Variants in ANXA4 observed in about 807,000 individuals in gnomAD.
ANXA4 encodes the protein 35-beta calcimedin.
ANXA4 carries 39 observed loss-of-function variants against 49.8 expected under a neutral mutation model. The ratio of observed to expected loss-of-function variants is 0.78; its 90% CI spans 0.61 to 1.02. The LOEUF (loss-of-function observed/expected upper bound fraction) is 1.02, where lower values mean the gene tolerates loss of function less well. ANXA4 is among the 50% of genes least tolerant of loss of function. The pLI is 0.00. For missense variants in ANXA4, 360 were observed against 410.1 expected, an observed-to-expected ratio of 0.88 and a Z score of 1.05; for synonymous variants, 134 against 152.5, an observed-to-expected ratio of 0.88 and a Z score of 0.89.
intron 2 of ANXA4, among the ~76,000 whole-genome samples, chr2:69,706,907 T>C (rs1678518914): frequency 6.6e-6 from 1 of 152,194 alleles, no homozygotes; most frequent in Non-Finnish European, 1.5e-5. Flanking sequence ...AAGTTAATGT[T>C]CGTATCATCT....
chr2:69,780,004 T>C (rs1040120356), intron 1 of ANXA4, among the ~76,000 whole-genome samples: 1 of 152,192 alleles, frequency 6.6e-6, no homozygotes, highest in African/African-American at 2.4e-5. Context: ...AAAGCAAATG[T>C]GATCAAACAA....
chr2:69,660,798 G>GAA (rs1676685130), intron 2 of ANXA4, among the ~76,000 whole-genome samples: 1 of 151,206 alleles, frequency 6.6e-6, no homozygotes, highest in African/African-American at 2.4e-5. Flanking sequence ...GAGAGAGAGA[G>GAA]AATATGAGTG....
At chr2:69,748,359 A>G (rs1479412721) in intron 1 of ANXA4, among the ~76,000 whole-genome samples, 1 of 151,864 alleles carries the variant, frequency 6.6e-6, no homozygotes, top group East Asian at 1.9e-4. Context: ...AGCCTGGGCG[A>G]CAGAGTGAGA....
chr2:69,744,340 G>A (rs1006713410), intron 1 of ANXA4, among the ~76,000 whole-genome samples: 11 of 152,036 alleles, frequency 7.2e-5, no homozygotes, highest in Admixed American at 4.6e-4. Context: ...AAAACAAGAG[G>A]AGGAGATTTT....
rs1015178251 is a variant in ANXA4, at chr2:69,728,722, A to C, written n.864+7851A>C. Among the ~76,000 whole-genome samples, 3 of 152,100 alleles carry C rather than the reference A, an allele frequency of 2.0e-5. No individual in the cohort carries two copies. In the South Asian group the frequency reaches 6.2e-4, roughly 32 times the overall value. Reference sequence around the variant, plus strand: ...CCTCTGTCTTCCATTCCGTTTGTCTATTTCTCTATCTGTATATGAATACCA... The same window carrying C: ...CCTCTGTCTTCCATTCCGTTTGTCTCTTTCTCTATCTGTATATGAATACCA... On this transcript the variant is annotated intron_variant and non_coding_transcript_variant, in intron 3 of 3. Coordinates refer to the ANXA4 transcript ENST00000418066.
chr2:69,669,716 CT>C (rs1677089235), intron 2 of ANXA4, among the ~76,000 whole-genome samples: 1 of 152,092 alleles, frequency 6.6e-6, no homozygotes, highest in Admixed American at 6.5e-5. Context: ...ACTGTTCAGC[CT>C]TTATTTCCTG....
At chr2:69,716,438 C>T (rs1249257328) in intron 2 of ANXA4, among the ~76,000 whole-genome samples, 3 of 152,204 alleles carry the variant, frequency 2.0e-5, no homozygotes, top group East Asian at 1.9e-4. Context: ...CAGCTGCACT[C>T]GAGGAACTGC....
chr2:69,798,652 T>G (rs1356806128), intron 3 of ANXA4, among the ~76,000 whole-genome samples: 1 of 152,216 alleles, frequency 6.6e-6, no homozygotes, highest in Non-Finnish European at 1.5e-5. Flanking sequence ...CATCTGAGTC[T>G]TCAAGACTGG....
chr2:69,826,660 C>T lies in ANXA4; in HGVS notation c.*1145C>T, dbSNP rs1169391243. The T allele has an allele frequency of 2.0e-5, 3 of 151,990 alleles. No homozygotes were observed. Among genetic ancestry groups the T allele is most frequent in the Admixed American group, 6.6e-5 (1 of 15,246 alleles). 9.4% of individuals were successfully genotyped at this position (151,990 alleles called of 1,614,324 possible). On this transcript the variant is annotated 3_prime_UTR_variant, in exon 13 of 13. Coordinates refer to ENST00000394295, the MANE Select transcript of ANXA4 (RefSeq NM_001153.5). ...ATTAGCCGGGTGTGGTGGCTGGTGC[C>T]TGTAATCCCAGCCACTCGGAGGCTG...
intron 2 of ANXA4, among the ~76,000 whole-genome samples, chr2:69,660,764 A>AAGGG (rs887942114): frequency 1.3e-5 from 2 of 151,402 alleles, no homozygotes; most frequent in Non-Finnish European, 2.9e-5. Flanking sequence ...TATTTGCCAG[A>AAGGG]AGGGAGGGAG....
intron 2 of ANXA4, among the ~76,000 whole-genome samples, chr2:69,682,912 T>C (rs565357943): frequency 2.0e-5 from 3 of 152,282 alleles, no homozygotes; most frequent in South Asian, 2.1e-4. Context: ...TTTATGATCT[T>C]CTTTGTGCTT....
intron 1 of ANXA4, among the ~76,000 whole-genome samples, chr2:69,776,239 G>A (rs1220412449): frequency 6.6e-6 from 1 of 152,054 alleles, no homozygotes; most frequent in Admixed American, 6.5e-5. Flanking sequence ...GCCTCCCAAA[G>A]TGCTGGAATT....
In ANXA4 at chr2:69,663,806, G is replaced by A. The variant is rs186475874; in HGVS notation, n.766+10524G>A. 6.3e-3 allele frequency among the ~76,000 whole-genome samples: 958 copies of A among 152,244 alleles called. 21 individuals are homozygous for A. Among genetic ancestry groups the A allele is most frequent in the East Asian group, 0.011 (57 of 5,192 alleles). On this transcript the variant is annotated intron_variant and non_coding_transcript_variant, in intron 2 of 3. Coordinates refer to the ANXA4 transcript ENST00000418066. Reference sequence around the variant, plus strand: ...GTTAGAAATTATCCTAGAATGCATAGGCAAAAGGCAAAGAGAAGGGAAAGA... The same window carrying A: ...GTTAGAAATTATCCTAGAATGCATAAGCAAAAGGCAAAGAGAAGGGAAAGA...
At chr2:69,646,024 A>C (rs1463258736) in intron 1 of ANXA4, among the ~76,000 whole-genome samples, 2 of 152,138 alleles carry the variant, frequency 1.3e-5, no homozygotes, top group African/African-American at 4.8e-5. Context: ...CTGTCTACTT[A>C]GAGAGAGCAA....
intron 1 of ANXA4, chr2:69,645,055 C>T (rs1387997281): frequency 6.6e-6 from 1 of 152,156 alleles, no homozygotes; most frequent in Non-Finnish European, 1.5e-5. Context: ...CATCTCTGCC[C>T]GCTTTCCCCA....
At chr2:69,765,678 C>G (rs988336450) in intron 1 of ANXA4, among the ~76,000 whole-genome samples, 11 of 152,126 alleles carry the variant, frequency 7.2e-5, no homozygotes, top group Admixed American at 1.3e-4. Flanking sequence ...CTTCATTTAG[C>G]CAGAATAATG....
intron 11 of ANXA4, 92 bp from the exon 12 acceptor site, chr2:69,820,607 C>A: frequency 1.4e-6 from 2 of 1,472,306 alleles, no homozygotes; most frequent in Admixed American, 1.8e-5. Context: ...ATCGTCAGCA[C>A]AGTCATCTCT....
At chr2:69,676,983 G>A (rs1054601793) in intron 2 of ANXA4, among the ~76,000 whole-genome samples, 4 of 151,542 alleles carry the variant, frequency 2.6e-5, no homozygotes, top group Non-Finnish European at 4.4e-5. Context: ...TTTTATTTTC[G>A]TTTTTATTTC....
chr2:69,813,846 C>G (rs185117629), intron 8 of ANXA4, among the ~76,000 whole-genome samples: 63 of 151,380 alleles, frequency 4.2e-4, no homozygotes, highest in African/African-American at 1.5e-3. Flanking sequence ...CAACCTCCCC[C>G]TCCCAGGTTC....
Sources: allele counts gnomAD v4.1 joint callset (sites outside exome capture counted in the v4.1 genomes callset), GRCh38; gene constraint gnomAD v4.1.1; transcripts MANE v1.5; gene names NCBI Gene and HGNC (gene_info 2026-07-23, HGNC 2026-07-21).